Variants in OCA2 observed in about 807,000 individuals in gnomAD.
OCA2 encodes OCA2 melanosomal transmembrane protein, also known as P protein.
OCA2 carries 77 observed loss-of-function variants against 100.2 expected under a neutral mutation model. The observed-to-expected ratio is 0.77, with a 90% confidence interval of 0.64 to 0.93. The LOEUF (loss-of-function observed/expected upper bound fraction) is 0.93. Among genes scored for constraint, OCA2 ranks in the 40% least tolerant of loss-of-function variants. The pLI, the probability that OCA2 is intolerant of heterozygous loss-of-function variation, is 0.00. For missense variants in OCA2, 1,062 were observed against 1,089.1 expected, an observed-to-expected ratio of 0.98 and a Z score of 0.35; for synonymous variants, 432 against 439.2, an observed-to-expected ratio of 0.98 and a Z score of 0.21.
intron 18 of OCA2, among the ~76,000 whole-genome samples, chr15:27,935,501 C>T (rs1224599149): frequency 6.6e-6 from 1 of 152,186 alleles, no homozygotes; most frequent in Non-Finnish European, 1.5e-5. Flanking sequence ...CCCCAGCAGC[C>T]TCCTCCGCAC....
chr15:27,925,545 C>T (rs1358993544), intron 19 of OCA2, among the ~76,000 whole-genome samples: 1 of 152,014 alleles, frequency 6.6e-6, no homozygotes, highest in Non-Finnish European at 1.5e-5. Flanking sequence ...AAAATGAAAG[C>T]ACGTTACATG....
intron 23 of OCA2, among the ~76,000 whole-genome samples, chr15:27,762,168 C>T (rs1021922768): frequency 6.6e-6 from 1 of 152,026 alleles, no homozygotes; most frequent in Non-Finnish European, 1.5e-5. Context: ...TAAGTAATTT[C>T]CCATCCCTCA....
chr15:27,974,900 G>C (rs531938389), intron 14 of OCA2, among the ~76,000 whole-genome samples: 1 of 152,296 alleles, frequency 6.6e-6, no homozygotes, highest in East Asian at 1.9e-4. Context: ...GACAAGCCTG[G>C]GCTGAGCCTC....
chr15:27,723,428 T>C, the OCA2 span, among the ~76,000 whole-genome samples: 1 of 152,018 alleles, frequency 6.6e-6, no homozygotes, highest in East Asian at 1.9e-4. Context: ...TCATAATCAG[T>C]GCCCCACAAA....
intron 23 of OCA2, among the ~76,000 whole-genome samples, chr15:27,821,799 CAT>C (rs1463492495): frequency 6.6e-6 from 1 of 152,162 alleles, no homozygotes; most frequent in East Asian, 1.9e-4. Flanking sequence ...ACACTACACA[CAT>C]ACACAGGCAC....
At chr15:27,870,786 G>A (rs968629394) in intron 21 of OCA2, among the ~76,000 whole-genome samples, 2 of 86,284 alleles carry the variant, frequency 2.3e-5, no homozygotes, top group African/African-American at 1.1e-4. Context: ...AAGAAAGAAA[G>A]AAAAAGAAAG....
At chr15:27,734,310 G>GAAAAAAAA in the OCA2 span, among the ~76,000 whole-genome samples, 1 of 83,110 alleles carries the variant, frequency 1.2e-5, no homozygotes. Context: ...AAAAAAAAAT[G>GAAAAAAAA]AGAGATCATG....
chr15:27,778,777 A>C (rs534522603), intron 23 of OCA2, among the ~76,000 whole-genome samples: 2 of 152,370 alleles, frequency 1.3e-5, no homozygotes, highest in East Asian at 3.9e-4. Flanking sequence ...GGAAAAGGCA[A>C]GTGGCAGAGA....
At chr15:27,781,101 T>C (rs2032517120) in intron 23 of OCA2, among the ~76,000 whole-genome samples, 1 of 152,254 alleles carries the variant, frequency 6.6e-6, no homozygotes, top group African/African-American at 2.4e-5. Context: ...GATTAGAGTC[T>C]GCTGCCTAAG....
chr15:28,052,033 C>T (rs554639408), intron 2 of OCA2, among the ~76,000 whole-genome samples: 13 of 152,260 alleles, frequency 8.5e-5, no homozygotes, highest in African/African-American at 2.9e-4. Context: ...GGGTAACCCA[C>T]AGATCAGTGA....
chr15:27,870,818 GAGAA>G (rs373071470), intron 21 of OCA2, among the ~76,000 whole-genome samples: 71 of 148,276 alleles, frequency 4.8e-4, no homozygotes, highest in African/African-American at 1.4e-3. Context: ...GAAAGAGAGA[GAGAA>G]AGAAAGAAAG....
chr15:27,928,727 G>A (rs1355105914), intron 18 of OCA2, among the ~76,000 whole-genome samples: 2 of 152,162 alleles, frequency 1.3e-5, no homozygotes, highest in African/African-American at 2.4e-5. Context: ...CATCTTCAAA[G>A]TCAGCAATGT....
At chr15:28,078,799 T>A (rs1363439671) in intron 2 of OCA2, among the ~76,000 whole-genome samples, 1 of 152,244 alleles carries the variant, frequency 6.6e-6, no homozygotes, top group Non-Finnish European at 1.5e-5. Context: ...GGGAGAAATT[T>A]GTTACCTGGC....
intron 14 of OCA2, among the ~76,000 whole-genome samples, chr15:27,976,783 T>C (rs1237704590): frequency 6.6e-6 from 1 of 152,220 alleles, no homozygotes; most frequent in East Asian, 1.9e-4. Context: ...ACCTCTTCAA[T>C]TTACTGTAAA....
chr15:27,787,957 T>C (rs186496321), intron 23 of OCA2, among the ~76,000 whole-genome samples: 1 of 152,182 alleles, frequency 6.6e-6, no homozygotes, highest in East Asian at 1.9e-4. Flanking sequence ...AAATATTTTC[T>C]TTCTTTGTGT....
At chr15:28,069,118 T>C (rs1436206809) in intron 2 of OCA2, among the ~76,000 whole-genome samples, 1 of 152,024 alleles carries the variant, frequency 6.6e-6, no homozygotes, top group Admixed American at 6.5e-5. Context: ...GAAGAAGTAA[T>C]AGCCATCCAA....
chr15:27,744,201 C>T, the OCA2 span, among the ~76,000 whole-genome samples: 1 of 152,192 alleles, frequency 6.6e-6, no homozygotes, highest in Non-Finnish European at 1.5e-5. Context: ...CCTCCGCACC[C>T]TCAGCCTGGA....
chr15:27,942,872 TATC>T (rs2039700038), intron 18 of OCA2, among the ~76,000 whole-genome samples: 1 of 152,176 alleles, frequency 6.6e-6, no homozygotes. Flanking sequence ...ATATTATATT[TATC>T]ATCATTCTGA....
At chr15:27,894,414 T>C (rs953588177) in intron 19 of OCA2, among the ~76,000 whole-genome samples, 6 of 152,172 alleles carry the variant, frequency 3.9e-5, no homozygotes, top group African/African-American at 9.7e-5. Flanking sequence ...AATGTGGCCA[T>C]AGAATTCTCT....
Sources: gnomAD v4.1 joint callset for allele counts (sites outside exome capture counted in the v4.1 genomes callset) on GRCh38, gnomAD v4.1.1 for gene constraint, MANE v1.5 for transcripts, NCBI Gene and HGNC (gene_info 2026-07-23, HGNC 2026-07-21) for gene names.